Variants in AHCTF1 observed in about 807,000 individuals in gnomAD.
The protein encoded by AHCTF1 is protein ELYS.
AHCTF1 carries 24 observed loss-of-function variants against 248.4 expected under a neutral mutation model. That is an observed-to-expected ratio of 0.10 (90% CI 0.07 to 0.14). The LOEUF is 0.14. Among genes scored for constraint, AHCTF1 ranks in the 10% least tolerant of loss-of-function variants. The pLI is 1.00. For missense variants in AHCTF1, 2,206 were observed against 2,636.2 expected (o/e 0.84, Z 3.57); for synonymous variants, 786 against 929.8 (o/e 0.85, Z 2.81).
chr1:246,842,390 T>C (rs975161612), intron 35 of AHCTF1, among the ~76,000 whole-genome samples: 10 of 151,908 alleles, frequency 6.6e-5, no homozygotes, highest in African/African-American at 2.2e-4. Context: ...GAGACCAGCC[T>C]GGCCAACATG....
chr1:246,878,890 T>C (rs1663187293), intron 21 of AHCTF1, among the ~76,000 whole-genome samples: 2 of 152,218 alleles, frequency 1.3e-5, no homozygotes. Context: ...AATTGCCTCG[T>C]GCTTCTCTTA....
intron 21 of AHCTF1, among the ~76,000 whole-genome samples, chr1:246,884,583 C>T (rs2103123507): frequency 6.6e-6 from 1 of 152,312 alleles, no homozygotes; most frequent in Middle Eastern, 3.4e-3. Flanking sequence ...ATTTCTCCAG[C>T]TTAGTTCGTA....
At chr1:246,926,873 AAAAC>A (rs1267203186) in intron 1 of AHCTF1, among the ~76,000 whole-genome samples, 1 of 151,602 alleles carries the variant, frequency 6.6e-6, no homozygotes, top group Non-Finnish European at 1.5e-5. Flanking sequence ...AACAAGTCTC[AAAAC>A]AAACAAAAGT....
At chr1:246,869,011 A>G (rs972301993) in intron 24 of AHCTF1, among the ~76,000 whole-genome samples, 6 of 151,092 alleles carry the variant, frequency 4.0e-5, no homozygotes, top group Non-Finnish European at 8.8e-5. Flanking sequence ...TGCCTGGCTA[A>G]CTTTTTCTAT....
At chr1:246,931,513 G>C (rs1335650263) in intron 1 of AHCTF1, 65 bp downstream of exon 1, 9 of 405,776 alleles carry the variant, frequency 2.2e-5, no homozygotes, top group Non-Finnish European at 2.3e-5. Flanking sequence ...CCGCCGCCGC[G>C]GGTCCAGGCC....
intron 1 of AHCTF1, among the ~76,000 whole-genome samples, chr1:246,929,482 T>A (rs548534247): frequency 7.0e-6 from 1 of 143,840 alleles, no homozygotes; most frequent in African/African-American, 2.7e-5. Context: ...TTTGAGTATT[T>A]AAAAAAGGAA....
In AHCTF1 at chr1:246,907,557, T is replaced by C. The variant is rs1665480956; in HGVS notation, c.758A>G (p.Lys253Arg). ...YLALWNMKSM[K>R]REYYIQLESG... ...GGAAAAAAGTTATACTTACTCTCTT[T>C]TCATGCTTTTCATGTTCCAAAGTGC... is the stretch of plus-strand genomic sequence containing the variant. Residue 253 changes from lysine (K) to arginine (R), a missense_variant, in exon 5 of 36, where the codon AAA becomes AGA. By Grantham distance (26) the Lys-to-Arg change is conservative. Around this residue, in one of 6 missense-constraint regions of AHCTF1, gnomAD observed 650 missense variants for 870.8 expected, o/e 0.75. Transcript: ENST00000648844. The C allele has an allele frequency of 1.2e-6, 2 of 1,612,854 alleles. No individual in the cohort carries two copies. The highest frequency in any genetic ancestry group is 1.7e-6 in the Non-Finnish European group (2 of 1,179,516).
intron 1 of AHCTF1, among the ~76,000 whole-genome samples, chr1:246,927,689 C>T (rs1416177158): frequency 2.6e-5 from 4 of 152,176 alleles, no homozygotes; most frequent in Admixed American, 6.5e-5. Flanking sequence ...AGAGCAGGAA[C>T]GTTCTACTGG....
At chr1:246,914,143 C>G (rs1665990901) in intron 3 of AHCTF1, among the ~76,000 whole-genome samples, 1 of 152,150 alleles carries the variant, frequency 6.6e-6, no homozygotes, top group Admixed American at 6.5e-5. Context: ...ATGTCTATAA[C>G]TAGTCATCCA....
chr1:246,879,107 C>T (rs549788768), intron 21 of AHCTF1, among the ~76,000 whole-genome samples: 16 of 151,956 alleles, frequency 1.1e-4, no homozygotes, highest in African/African-American at 3.4e-4. Context: ...GCATACAAAG[C>T]GGCTATAAAT....
intron 25 of AHCTF1, 69 bp downstream of exon 25, chr1:246,867,592 G>C (rs930104546): frequency 2.0e-5 from 31 of 1,546,794 alleles, no homozygotes; most frequent in Non-Finnish European, 2.7e-5. Context: ...GTGGATTGTT[G>C]ATGAACGCTG....
chr1:246,863,289 G>C (rs1371652679), intron 27 of AHCTF1, among the ~76,000 whole-genome samples: 5 of 151,812 alleles, frequency 3.3e-5, no homozygotes, highest in Non-Finnish European at 4.4e-5. Flanking sequence ...AGAACCCAGG[G>C]ACAATGGGGA....
chr1:246,849,475 C>T (rs1660533030), intron 33 of AHCTF1, 140 bp downstream of exon 33: 1 of 1,058,246 alleles, frequency 9.4e-7, no homozygotes, highest in Non-Finnish European at 1.3e-6. Flanking sequence ...AACCTTTAAA[C>T]TTTACTACTA....
chr1:246,880,863 G>A (rs1244036989), intron 21 of AHCTF1, among the ~76,000 whole-genome samples: 1 of 152,132 alleles, frequency 6.6e-6, no homozygotes, highest in Non-Finnish European at 1.5e-5. Flanking sequence ...CAATAATGAT[G>A]CTAGGAAGAA....
rs530558713 is a variant in AHCTF1 at position 246,845,733 on chromosome 1, C to T, written c.6392-1805G>A. Among the ~76,000 whole-genome samples the T allele has an allele frequency of 2.0e-5, 3 of 152,270 alleles. No homozygotes were observed. The South Asian group carries it at 6.2e-4, about 32-fold the overall frequency. ...GTGTATGTCAATTCTTTACCCATCTCTTGTTTTGAGGATTAAGGAGTTCAA... is the reference window on the plus strand; with the variant it reads ...GTGTATGTCAATTCTTTACCCATCTTTTGTTTTGAGGATTAAGGAGTTCAA... On this transcript the variant is annotated intron_variant, in intron 33 of 35. Transcript: ENST00000648844.
At chr1:246,900,578 T>C (rs569580539) in intron 8 of AHCTF1, 109 bp from the exon 9 acceptor site, 114 of 1,163,660 alleles carry the variant, frequency 9.8e-5, no homozygotes, top group Non-Finnish European at 1.3e-4. Flanking sequence ...TTAATTCATA[T>C]TTCACTTGAT....
At chr1:246,926,422 A>G (rs770768048) in intron 1 of AHCTF1, among the ~76,000 whole-genome samples, 2 of 152,224 alleles carry the variant, frequency 1.3e-5, no homozygotes, top group Non-Finnish European at 2.9e-5. Flanking sequence ...AGACTTCATC[A>G]TGGTGCCTAG....
chr1:246,872,096 G>A (rs557865093), intron 24 of AHCTF1, among the ~76,000 whole-genome samples: 134 of 148,388 alleles, frequency 9.0e-4, no homozygotes, highest in Middle Eastern at 3.6e-3. Context: ...AAAACCTAGG[G>A]TGGTCTCTAA....
intron 19 of AHCTF1, 48 bp downstream of exon 19, chr1:246,888,129 T>C (rs1200907747): frequency 1.8e-5 from 29 of 1,584,754 alleles, no homozygotes; most frequent in Non-Finnish European, 2.2e-5. Context: ...CTTGAAATTT[T>C]ATAATTTTAG....
Sources: allele counts gnomAD v4.1 joint callset (sites outside exome capture counted in the v4.1 genomes callset), GRCh38; gene constraint gnomAD v4.1.1; regional missense constraint gnomAD v4.1.1; transcripts MANE v1.5; gene names NCBI Gene and HGNC (gene_info 2026-07-23, HGNC 2026-07-21).